AAMDC: variants seen among roughly 807,000 people sequenced by gnomAD.
AAMDC encodes the protein mth938 domain-containing protein.
Under a neutral mutation model 15.5 loss-of-function variants are expected in AAMDC, and 16 were observed. The ratio of observed to expected loss-of-function variants is 1.03; its 90% confidence interval spans 0.70 to 1.57. The LOEUF is 1.57. Ranked by LOEUF, AAMDC falls within the 40% of genes most tolerant of loss-of-function variation. The pLI, the probability that AAMDC is intolerant of heterozygous loss-of-function variation, is 0.00. For synonymous variants in AAMDC, 51 were observed against 51.6 expected, an observed-to-expected ratio of 0.99 and a Z score of 0.05; for missense variants, 141 against 144.9, an observed-to-expected ratio of 0.97 and a Z score of 0.14.
At chr11:77,827,731 T>C (rs1449561872) in intron 1 of AAMDC, among the ~76,000 whole-genome samples, 1 of 152,198 alleles carries the variant, frequency 6.6e-6, no homozygotes, top group African/African-American at 2.4e-5. Flanking sequence ...GTTTGCTATA[T>C]CCACTTACAT....
chr11:77,875,041 C>CAAA (rs397791397), downstream of AAMDC, among the ~76,000 whole-genome samples: 336 of 120,942 alleles, frequency 2.8e-3, 1 homozygote, highest in Non-Finnish European at 4.1e-3. Context: ...GACTCCATCT[C>CAAA]AAAAAAAAAA....
At chr11:77,863,275 G>T (rs931013387) in intron 2 of AAMDC, among the ~76,000 whole-genome samples, 2 of 152,110 alleles carry the variant, frequency 1.3e-5, no homozygotes, top group African/African-American at 4.8e-5. Context: ...GGCAATGGGC[G>T]CTCAGGAGCA....
At chr11:77,892,026 C>T (rs682324) in intron 5 of AAMDC, among the ~76,000 whole-genome samples, 54,996 of 151,940 alleles carry the variant, frequency 0.36, 10,135 homozygotes, top group East Asian at 0.46. Context: ...TCAGAAAGGC[C>T]TCTGTTTATT....
At chr11:77,838,615 CT>C (rs34851335) in intron 1 of AAMDC, among the ~76,000 whole-genome samples, 223 of 129,330 alleles carry the variant, frequency 1.7e-3, no homozygotes, top group Middle Eastern at 0.012. Flanking sequence ...ATACAAGTAC[CT>C]TTTTTTTTTT....
chr11:77,896,790 A>T (rs1952543066), intron 5 of AAMDC, among the ~76,000 whole-genome samples: 1 of 152,076 alleles, frequency 6.6e-6, no homozygotes, highest in African/African-American at 2.4e-5. Context: ...GTATAGAAGA[A>T]GTAAAGAAAT....
chr11:77,864,013 G>A (rs2136270188), intron 2 of AAMDC, among the ~76,000 whole-genome samples: 2 of 150,734 alleles, frequency 1.3e-5, no homozygotes, highest in African/African-American at 4.9e-5. Context: ...TGCAACCTCT[G>A]CCTCCCATGT....
At chr11:77,860,695 G>A (rs1192383548) in intron 2 of AAMDC, among the ~76,000 whole-genome samples, 1 of 151,940 alleles carries the variant, frequency 6.6e-6, no homozygotes, top group African/African-American at 2.4e-5. Flanking sequence ...AACAGTCCAG[G>A]TGAATTGAGA....
chr11:77,857,489 T>C (rs1392648196), intron 2 of AAMDC, among the ~76,000 whole-genome samples: 1 of 152,198 alleles, frequency 6.6e-6, no homozygotes, highest in African/African-American at 2.4e-5. Context: ...TGTAGGAAGC[T>C]CTAAAGTCAT....
rs534200586 is a variant in AAMDC, at chr11:77,844,472, C to T, written c.132+1844C>T. ...ACACCACCTGGGTGAAAGGGATCTT[C>T]CTCCCTCAGCCTCCTGAGTAGCAAG... On this transcript the variant is annotated intron_variant, in intron 2 of 3. Transcript: ENST00000393427. Among the ~76,000 whole-genome samples, 80 of 152,128 alleles carry T rather than the reference C, an allele frequency of 5.3e-4. 1 individual carries two copies. Among genetic ancestry groups the T allele is most frequent in the Admixed American group, 4.7e-3 (72 of 15,280 alleles).
At chr11:77,889,492 C>T (rs549998471) in intron 5 of AAMDC, among the ~76,000 whole-genome samples, 18 of 152,184 alleles carry the variant, frequency 1.2e-4, no homozygotes, top group Admixed American at 2.0e-4. Flanking sequence ...CACATGTATA[C>T]AGATGTAACT....
chr11:77,827,015 G>A (rs1949207530), intron 1 of AAMDC, among the ~76,000 whole-genome samples: 1 of 152,098 alleles, frequency 6.6e-6, no homozygotes, highest in South Asian at 2.1e-4. Context: ...TGAGGCAGGA[G>A]AATCACTTGA....
intron 1 of AAMDC, among the ~76,000 whole-genome samples, chr11:77,827,208 C>T (rs1949220493): frequency 6.6e-6 from 1 of 152,086 alleles, no homozygotes; most frequent in African/African-American, 2.4e-5. Context: ...GTCAGTTCTA[C>T]CAAAAGTTGA....
chr11:77,873,842 A>G (rs144123515), downstream of AAMDC, among the ~76,000 whole-genome samples: 54 of 152,320 alleles, frequency 3.5e-4, no homozygotes, highest in East Asian at 6.4e-3. Flanking sequence ...TTAACTAGAC[A>G]TTTACTAGGT....
Position 77,831,254 on chromosome 11 carries a change from T to C in AAMDC, c.-19+10013T>C, listed in dbSNP as rs7951908. ...AGAACCCTCATCACTGCTAGTGGAA[T>C]TGCAAAGTTGTGGATCTGCTATGTA... On this transcript the variant is annotated intron_variant, in intron 1 of 3. Transcript: ENST00000393427. Among the ~76,000 whole-genome samples, 1,450 of 152,316 alleles carry C rather than the reference T, an allele frequency of 9.5e-3. 23 individuals carry two copies. The highest frequency in any genetic ancestry group is 0.032 in the African/African-American group (1,324 of 41,568).
At position 77,842,513 on chromosome 11, in the gene AAMDC, T is replaced by C. The variant is rs756810652; in HGVS notation, c.17T>C (p.Ile6Thr). Residue 6 changes from isoleucine (I) to threonine (T), a missense_variant, in exon 2 of 4, where the codon ATT (isoleucine) becomes ACT (threonine). Transcript: ENST00000393427. The part of the protein sequence containing the change: MTSPE[I>T]ASLSWGQMKV... ...AAGTTCCTTATGACTTCCCCTGAAA[T>C]TGCTTCCTTATCATGGGGGCAAATG... 9.9e-6 allele frequency: 16 copies of C among 1,613,894 alleles called. No individual in the cohort carries two copies. The highest frequency in any genetic ancestry group is 1.3e-5 in the Non-Finnish European group (15 of 1,179,960).
intron 2 of AAMDC, among the ~76,000 whole-genome samples, chr11:77,847,696 A>T (rs1195970246): frequency 6.6e-6 from 1 of 152,244 alleles, no homozygotes; most frequent in Non-Finnish European, 1.5e-5. Context: ...GAGCATCTAT[A>T]TATGCAGAAC....
intron 1 of AAMDC, among the ~76,000 whole-genome samples, chr11:77,828,640 C>T (rs562288082): frequency 6.8e-5 from 10 of 146,742 alleles, no homozygotes; most frequent in African/African-American, 1.3e-4. Context: ...CACTGCACTG[C>T]GCCTGGGCAA....
At chr11:77,903,624 C>T (rs760494223), downstream of AAMDC, 21 of 1,612,038 alleles carry the variant, frequency 1.3e-5, no homozygotes, top group South Asian at 3.3e-5. Flanking sequence ...GCAAGGCCTA[C>T]GCAGACAAAT....
chr11:77,875,699 A>G (rs899132123), downstream of AAMDC, among the ~76,000 whole-genome samples: 2 of 152,226 alleles, frequency 1.3e-5, no homozygotes, highest in African/African-American at 4.8e-5. Context: ...AGAATATAGT[A>G]TAGGAGGCTG....
Sources: allele counts gnomAD v4.1 joint callset (sites outside exome capture counted in the v4.1 genomes callset), GRCh38; gene constraint gnomAD v4.1.1; transcripts MANE v1.5; gene names NCBI Gene and HGNC (gene_info 2026-07-23, HGNC 2026-07-21).